The following PRIM2 variants were observed in gnomAD, a reference collection of about 807,000 sequenced individuals.
PRIM2 encodes DNA primase large subunit.
PRIM2 carries 39 observed loss-of-function variants against 67.3 expected under a neutral mutation model. The observed-to-expected ratio is 0.58, with a 90% CI of 0.45 to 0.76. The LOEUF (loss-of-function observed/expected upper bound fraction) is 0.76. PRIM2 is among the 30% of genes least tolerant of loss of function. The pLI, the probability that PRIM2 is intolerant of heterozygous loss-of-function variation, is 0.00. For synonymous variants in PRIM2, 143 were observed against 198.7 expected, an observed-to-expected ratio of 0.72 and a Z score of 2.36; for missense variants, 398 against 598.7, an observed-to-expected ratio of 0.66 and a Z score of 3.50.
intron 7 of PRIM2, among the ~76,000 whole-genome samples, chr6:57,443,449 G>A (rs1287186748): frequency 1.3e-5 from 2 of 152,190 alleles, no homozygotes; most frequent in African/African-American, 4.8e-5. Flanking sequence ...ATTCTGGCAG[G>A]TGTGAGATGG....
the PRIM2 span, among the ~76,000 whole-genome samples, chr6:57,247,293 A>G: frequency 6.6e-6 from 1 of 152,160 alleles, no homozygotes; most frequent in African/African-American, 2.4e-5. Flanking sequence ...TGAGTTGTAT[A>G]TGATTATTCA....
At chr6:57,282,398 G>T in the PRIM2 span, among the ~76,000 whole-genome samples, 1 of 152,050 alleles carries the variant, frequency 6.6e-6, no homozygotes, top group Non-Finnish European at 1.5e-5. Context: ...ATTCTGTTGG[G>T]TATCTCCAAC....
chr6:57,637,263 T>A (rs1777137882), intron 13 of PRIM2, among the ~76,000 whole-genome samples: 1 of 152,022 alleles, frequency 6.6e-6, no homozygotes, highest in Admixed American at 6.6e-5. Flanking sequence ...TTCACCAACA[T>A]CAAAGACCAA....
At chr6:57,251,448 G>A in the PRIM2 span, among the ~76,000 whole-genome samples, 1 of 152,196 alleles carries the variant, frequency 6.6e-6, no homozygotes, top group African/African-American at 2.4e-5. Flanking sequence ...GGTGGCTCAT[G>A]TCTCTTCCAT....
the PRIM2 span, among the ~76,000 whole-genome samples, chr6:57,303,764 C>T: frequency 5.9e-5 from 9 of 152,042 alleles, no homozygotes; most frequent in Admixed American, 2.6e-4. Flanking sequence ...TACAGGCACC[C>T]GCCACCATGC....
At chr6:57,491,741 G>A (rs1773896561) in intron 7 of PRIM2, among the ~76,000 whole-genome samples, 1 of 152,190 alleles carries the variant, frequency 6.6e-6, no homozygotes, top group Non-Finnish European at 1.5e-5. Flanking sequence ...ACAGGCACCA[G>A]AGATTGAGTG....
intron 5 of PRIM2, among the ~76,000 whole-genome samples, chr6:57,353,666 G>A (rs1192718681): frequency 2.0e-5 from 3 of 152,130 alleles, no homozygotes; most frequent in African/African-American, 7.2e-5. Context: ...GTAGTCTTAG[G>A]AAAAGTCTAT....
intron 10 of PRIM2, among the ~76,000 whole-genome samples, chr6:57,596,133 T>C (rs1196680766): frequency 6.6e-6 from 1 of 152,116 alleles, no homozygotes; most frequent in Non-Finnish European, 1.5e-5. Flanking sequence ...CTCAGGAAAT[T>C]ACAAGAGTTT....
intron 10 of PRIM2, among the ~76,000 whole-genome samples, chr6:57,560,207 T>G (rs1223008243): frequency 1.3e-5 from 2 of 152,028 alleles, no homozygotes; most frequent in African/African-American, 4.8e-5. Flanking sequence ...TCACCAGGAA[T>G]AGTTTCCATC....
intron 5 of PRIM2, among the ~76,000 whole-genome samples, chr6:57,361,650 C>T (rs1326418639): frequency 4.0e-5 from 6 of 150,832 alleles, no homozygotes; most frequent in Non-Finnish European, 8.8e-5. Context: ...AGATAAGTTC[C>T]CTAGCAAAAT....
chr6:57,285,237 C>T, the PRIM2 span, among the ~76,000 whole-genome samples: 1 of 152,008 alleles, frequency 6.6e-6, no homozygotes, highest in Non-Finnish European at 1.5e-5. Context: ...CTATTCCAAA[C>T]AACAAAAAAA....
intron 7 of PRIM2, among the ~76,000 whole-genome samples, chr6:57,429,189 C>T (rs568688214): frequency 1.3e-4 from 20 of 152,242 alleles, no homozygotes; most frequent in Middle Eastern, 3.4e-3. Flanking sequence ...TGAGGTTTTG[C>T]CCTATGGGAG....
intron 5 of PRIM2, among the ~76,000 whole-genome samples, chr6:57,337,709 C>G (rs1384934526): frequency 1.3e-5 from 2 of 152,054 alleles, no homozygotes; most frequent in African/African-American, 4.8e-5. Flanking sequence ...GCATTCAAAG[C>G]AGTGTGTAGA....
At chr6:57,447,811 T>C (rs2397309) in intron 7 of PRIM2, among the ~76,000 whole-genome samples, 14 of 152,314 alleles carry the variant, frequency 9.2e-5, no homozygotes, top group African/African-American at 3.4e-4. Context: ...ATTAGGAAAA[T>C]CTTCTACTTT....
the PRIM2 span, among the ~76,000 whole-genome samples, chr6:57,274,283 G>A: frequency 1.3e-5 from 2 of 152,208 alleles, no homozygotes; most frequent in East Asian, 1.9e-4. Context: ...CACCCAGTTC[G>A]AGCTTCCCTG....
At chr6:57,468,617 T>C (rs1176685573) in intron 7 of PRIM2, among the ~76,000 whole-genome samples, 18 of 152,292 alleles carry the variant, frequency 1.2e-4, no homozygotes, top group African/African-American at 4.3e-4. Context: ...CTGCCAGGTT[T>C]TGGTATCAGG....
chr6:57,433,443 A>G (rs1004262477), intron 7 of PRIM2, among the ~76,000 whole-genome samples: 9 of 129,938 alleles, frequency 6.9e-5, no homozygotes, highest in Middle Eastern at 4.9e-3. Context: ...CCTGTGTTCT[A>G]TTTTAAATAG....
At chr6:57,304,947 T>C in the PRIM2 span, among the ~76,000 whole-genome samples, 1 of 152,238 alleles carries the variant, frequency 6.6e-6, no homozygotes, top group Non-Finnish European at 1.5e-5. Context: ...AAAATGCAGA[T>C]GAAGTAATTC....
At chr6:57,501,249 A>G (rs1360223094) in intron 7 of PRIM2, among the ~76,000 whole-genome samples, 2 of 151,972 alleles carry the variant, frequency 1.3e-5, no homozygotes, top group South Asian at 2.1e-4. Context: ...TGACATCCAG[A>G]TTTTTCTATA....
Sources: allele counts gnomAD v4.1 joint callset (sites outside exome capture counted in the v4.1 genomes callset), GRCh38; gene constraint gnomAD v4.1.1; transcripts MANE v1.5; gene names NCBI Gene and HGNC (gene_info 2026-07-23, HGNC 2026-07-21).